FAM184A: variants seen among roughly 807,000 people sequenced by gnomAD.
FAM184A encodes family with sequence similarity 184 member A.
In FAM184A, 99 loss-of-function variants were observed where a neutral mutation model predicts 143.8. The observed-to-expected ratio is 0.69, with a 90% confidence interval of 0.58 to 0.81. The LOEUF is 0.81. FAM184A is among the 40% of genes least tolerant of loss of function. The pLI, the probability that FAM184A is intolerant of heterozygous loss-of-function variation, is 0.00. For missense variants in FAM184A, 1,217 were observed against 1,310.5 expected, an observed-to-expected ratio of 0.93 and a Z score of 1.10; for synonymous variants, 427 against 446.4, an observed-to-expected ratio of 0.96 and a Z score of 0.55.
At chr6:119,053,997 T>A (rs117079125) in intron 1 of FAM184A, among the ~76,000 whole-genome samples, 2,487 of 152,140 alleles carry the variant, frequency 0.016, 28 homozygotes, top group South Asian at 0.028. Flanking sequence ...ACTGAGAAAA[T>A]CTCAGTGCCA....
At chr6:118,998,554 G>A (rs766230367) in intron 9 of FAM184A, among the ~76,000 whole-genome samples, 4 of 152,230 alleles carry the variant, frequency 2.6e-5, no homozygotes, top group Non-Finnish European at 5.9e-5. Flanking sequence ...AGTGAATGAT[G>A]ATGGTGCTAT....
chr6:119,003,473 T>G (rs1784826565), intron 8 of FAM184A, 28 bp downstream of exon 8: 1 of 1,600,774 alleles, frequency 6.2e-7, no homozygotes, highest in African/African-American at 1.3e-5. Context: ...ATGTCTTTAT[T>G]GATAAGATTA....
At position 119,016,402 on chromosome 6, in the gene FAM184A, T is replaced by C. The variant is rs568200792; in HGVS notation, c.1530+345A>G. On this transcript the variant is annotated intron_variant, in intron 5 of 17. Transcript: ENST00000338891. Reference sequence around the variant, plus strand: ...TGAGCTGTAACACTCACCACGAAGATCTGCAGCTTCACTCCTGAGCCTAGC... The same window carrying C: ...TGAGCTGTAACACTCACCACGAAGACCTGCAGCTTCACTCCTGAGCCTAGC... 1.1e-4 allele frequency among the ~76,000 whole-genome samples: 17 copies of C among 152,118 alleles called. 1 individual carries two copies. The South Asian group carries it at 1.9e-3, about 17-fold the overall frequency.
At position 119,015,967 on chromosome 6, in the gene FAM184A, A is replaced by G. The variant is rs527862444; in HGVS notation, c.1530+780T>C. Reference sequence around the variant, plus strand: ...TAGCTCAGGGATTGTAAATACACCAATCGACACTCTGTATCTAGCTCAAGG... The same window carrying G: ...TAGCTCAGGGATTGTAAATACACCAGTCGACACTCTGTATCTAGCTCAAGG... On this transcript the variant is annotated intron_variant, in intron 5 of 17. Coordinates refer to ENST00000338891, the MANE Select transcript of FAM184A (RefSeq NM_024581.6). Among the ~76,000 whole-genome samples the G allele has an allele frequency of 4.5e-3, 664 of 148,020 alleles. 6 individuals are homozygous for G. Among genetic ancestry groups the G allele is most frequent in the African/African-American group, 0.015 (608 of 39,526 alleles).
At chr6:119,118,544 TC>T (rs1789121407) in intron 1 of FAM184A, among the ~76,000 whole-genome samples, 1 of 152,140 alleles carries the variant, frequency 6.6e-6, no homozygotes, top group Admixed American at 6.6e-5. Flanking sequence ...ATTTATTAGA[TC>T]CCCAAATTAA....
At position 119,024,686 on chromosome 6, in the gene FAM184A, C is replaced by T; in HGVS notation, c.287G>A (p.Ser96Asn). The T allele has an allele frequency of 1.2e-6, 2 of 1,614,002 alleles. No individual in the cohort carries two copies. Among genetic ancestry groups the T allele is most frequent in the South Asian group, 1.1e-5 (1 of 91,080 alleles). Residue 96 changes from serine to asparagine, a missense_variant, in exon 2 of 18, where the codon AGC becomes AAC. Ser to Asn is a conservative substitution (Grantham distance 46). Transcript: ENST00000338891. ...AAGGTCTAGCTCCTCTGTTACTTTG[C>T]TTTTATACTGCAATATTTTTTCTCT... is the stretch of plus-strand genomic sequence containing the variant. ...ETREKILQYK[S>N]KVTEELDLRR... is the part of the protein sequence containing the mutation.
chr6:119,074,697 A>C (rs1421130854), intron 1 of FAM184A, among the ~76,000 whole-genome samples: 4 of 152,234 alleles, frequency 2.6e-5, no homozygotes, highest in African/African-American at 9.6e-5. Flanking sequence ...GAAGTATACA[A>C]ATGTGGTCTT....
At chr6:119,081,088 G>A (rs536369131), upstream of FAM184A, among the ~76,000 whole-genome samples, 4 of 152,270 alleles carry the variant, frequency 2.6e-5, no homozygotes, top group Admixed American at 2.6e-4. Flanking sequence ...ACCACCAAGT[G>A]AATGGTGCTA....
intron 1 of FAM184A, among the ~76,000 whole-genome samples, chr6:119,105,190 A>T (rs1341845631): frequency 7.9e-5 from 12 of 152,208 alleles, no homozygotes; most frequent in Non-Finnish European, 1.5e-5. Context: ...ACTAATATAA[A>T]ATGTTAACAA....
intron 1 of FAM184A, among the ~76,000 whole-genome samples, chr6:119,034,049 G>T (rs62421120): frequency 0.063 from 2,886 of 45,726 alleles, 30 homozygotes; most frequent in East Asian, 0.095. Context: ...TATAGAGAGA[G>T]AGAGAGAGAG....
Position 118,976,037 on chromosome 6 carries a change from C to T in FAM184A, c.2463G>A (p.Leu821=). The change falls in exon 12 of 18, where the codon TTG becomes TTA. Residue 821 remains leucine (L), a synonymous_variant. Coordinates refer to ENST00000338891, the MANE Select transcript of FAM184A (RefSeq NM_024581.6). ...EDEGKAMLAS[L]RSELNHQHAA... is the part of the protein sequence containing the mutation. ...CATGTTGATGGTTGAGTTCTGAGCG[C>T]AAGGAAGCTGGAATTGCAAGGCAAA... 6.2e-7 allele frequency: 1 copy of T among 1,610,094 alleles called. No homozygotes were observed. Among genetic ancestry groups the T allele is most frequent in the Non-Finnish European group, 8.5e-7 (1 of 1,179,072 alleles).
At chr6:119,027,248 A>G (rs576878504) in intron 1 of FAM184A, among the ~76,000 whole-genome samples, 57 of 152,162 alleles carry the variant, frequency 3.7e-4, no homozygotes, top group African/African-American at 1.3e-3. Flanking sequence ...CTGTCTCCCT[A>G]CAATGTATAA....
chr6:119,013,150 T>C (rs984995839), intron 5 of FAM184A, among the ~76,000 whole-genome samples: 1 of 151,982 alleles, frequency 6.6e-6, no homozygotes, highest in African/African-American at 2.4e-5. Context: ...AATAGGGTGG[T>C]GAATATATTC....
Position 119,144,804 on chromosome 6 carries a change from C to T in FAM184A, c.-202+4274G>A, listed in dbSNP as rs544931417. Among the ~76,000 whole-genome samples the T allele has an allele frequency of 7.9e-5, 12 of 152,224 alleles. No individual in the cohort carries two copies. The East Asian group carries it at 2.3e-3, about 29-fold the overall frequency. Reference sequence around the variant, plus strand: ...CCAGCTCCCGTGACGTGCCCCCTGGCCTAGGGGGTGGTAGATGGGTGGTAT... The same window carrying T: ...CCAGCTCCCGTGACGTGCCCCCTGGTCTAGGGGGTGGTAGATGGGTGGTAT... On this transcript the variant is annotated intron_variant, in intron 1 of 16. Coordinates refer to the FAM184A transcript ENST00000352896.
chr6:119,040,482 A>G (rs1427273528), intron 1 of FAM184A, among the ~76,000 whole-genome samples: 1 of 152,068 alleles, frequency 6.6e-6, no homozygotes, highest in African/African-American at 2.4e-5. Context: ...TTCTCAGGTC[A>G]CCTTGCCGGG....
chr6:119,033,631 C>T (rs1389793124), intron 1 of FAM184A, among the ~76,000 whole-genome samples: 2 of 148,996 alleles, frequency 1.3e-5, no homozygotes, highest in Non-Finnish European at 3.0e-5. Flanking sequence ...TGCCGCTGCA[C>T]TCCAGCCCGG....
rs550828455 is a variant in FAM184A, at chr6:119,078,105, C to T, written c.159+36G>A. The T allele has an allele frequency of 1.3e-6, 2 of 1,552,518 alleles. No homozygotes were observed. The highest frequency in any genetic ancestry group is 1.7e-6 in the Non-Finnish European group (2 of 1,153,646). On this transcript the variant is annotated intron_variant, in intron 1 of 17. Coordinates refer to ENST00000338891, the MANE Select transcript of FAM184A (RefSeq NM_024581.6). The surrounding 1 kb of genome is among the most constrained non-coding windows in gnomAD (Gnocchi z 5.5). ...ACAGGTGAGTCCGGCGCGGCCCGCACGGGGTCGCCACCTGCCCCGTCGCTG... is the reference window on the plus strand; with the variant it reads ...ACAGGTGAGTCCGGCGCGGCCCGCATGGGGTCGCCACCTGCCCCGTCGCTG...
At position 118,959,853 on chromosome 6, in the gene FAM184A, T is replaced by C; in HGVS notation, c.*250A>G. ...TGTTTGATTCTAACAAAATTTATTA[T>C]GCAGTAATTACAAAGGTTAAAGACT... On this transcript the variant is annotated 3_prime_UTR_variant, in exon 18 of 18. Transcript: ENST00000338891. The C allele has an allele frequency of 3.6e-6, 1 of 277,384 alleles. No individual in the cohort carries two copies. The highest frequency in any genetic ancestry group is 6.7e-6 in the Non-Finnish European group (1 of 149,360). The allele number at this position is 277,384 out of a possible 1,614,324, so 17.2% of individuals were successfully genotyped here.
At chr6:118,961,526 A>C (rs1783325159) in intron 17 of FAM184A, among the ~76,000 whole-genome samples, 1 of 152,042 alleles carries the variant, frequency 6.6e-6, no homozygotes, top group African/African-American at 2.4e-5. Context: ...GATATAAATT[A>C]CATTAACACC....
Sources: gnomAD v4.1 joint callset for allele counts (sites outside exome capture counted in the v4.1 genomes callset) on GRCh38, gnomAD v4.1.1 for gene constraint, Gnocchi (gnomAD v3.1) non-coding constraint, MANE v1.5 for transcripts, NCBI Gene and HGNC (gene_info 2026-07-23, HGNC 2026-07-21) for gene names.